NXPH1: variants seen among roughly 807,000 people sequenced by gnomAD.
The protein encoded by NXPH1 is neurexophilin 1.
Under a neutral mutation model 23.7 loss-of-function variants are expected in NXPH1, and 5 were observed. That is an observed-to-expected ratio of 0.21 (90% confidence interval 0.11 to 0.44). NXPH1 has a LOEUF of 0.44. NXPH1 is among the 20% of genes least tolerant of loss of function. The pLI, the probability that NXPH1 is intolerant of heterozygous loss-of-function variation, is 0.99. For synonymous variants in NXPH1, 144 were observed against 122.2 expected, an observed-to-expected ratio of 1.18 and a Z score of -1.18; for missense variants, 324 against 321.6, an observed-to-expected ratio of 1.01 and a Z score of -0.06.
chr7:8,714,743 C>A lies in NXPH1; in HGVS notation c.55-36265C>A, dbSNP rs146381245. Among the ~76,000 whole-genome samples, 742 of 152,204 alleles carry A rather than the reference C, an allele frequency of 4.9e-3. 5 individuals carry two copies. The highest frequency in any genetic ancestry group is 8.0e-3 in the Non-Finnish European group (543 of 68,022). On this transcript the variant is annotated intron_variant, in intron 2 of 2. Coordinates refer to ENST00000405863, the MANE Select transcript of NXPH1 (RefSeq NM_152745.3). ...TGTATCTAGAAATGTCATCGGGTAG[C>A]AAGGGCCTGGAATTGGGGCCTCACA...
intron 2 of NXPH1, among the ~76,000 whole-genome samples, chr7:8,636,062 C>T (rs1319353419): frequency 1.3e-5 from 2 of 152,284 alleles, no homozygotes; most frequent in East Asian, 3.9e-4. Flanking sequence ...TGAAGTTGGA[C>T]TGCAGCCTGC....
At chr7:8,737,752 G>A (rs1295642597) in intron 2 of NXPH1, among the ~76,000 whole-genome samples, 2 of 152,150 alleles carry the variant, frequency 1.3e-5, no homozygotes, top group East Asian at 3.8e-4. Flanking sequence ...CATTCTCTCT[G>A]TCACTTTCAG....
chr7:8,526,555 G>T (rs1429142108), intron 2 of NXPH1, among the ~76,000 whole-genome samples: 2 of 152,160 alleles, frequency 1.3e-5, no homozygotes, highest in Non-Finnish European at 2.9e-5. Context: ...AACTTGAATT[G>T]TATCTCACAT....
chr7:8,583,337 C>G (rs1818919133), intron 2 of NXPH1, among the ~76,000 whole-genome samples: 1 of 152,176 alleles, frequency 6.6e-6, no homozygotes, highest in East Asian at 1.9e-4. Context: ...CCTGGCACAG[C>G]CATTTATTAG....
intron 2 of NXPH1, among the ~76,000 whole-genome samples, chr7:8,599,805 A>AG (rs1465721928): frequency 0.015 from 1,406 of 91,378 alleles, 28 homozygotes; most frequent in African/African-American, 0.073. Flanking sequence ...TTAGATAGGA[A>AG]GATTTTTTTT....
chr7:8,620,960 CA>C lies in NXPH1; in HGVS notation c.55-130046del, dbSNP rs375158627. On this transcript the variant is annotated intron_variant, in intron 2 of 2. Coordinates refer to ENST00000405863, the MANE Select transcript of NXPH1 (RefSeq NM_152745.3). ...AACGCTCTCTCTATAAACTTTCACA[CA>C]ATCTAAAGGTGTTTTTGTCATAGTC... Among the ~76,000 whole-genome samples, 328 of 152,266 alleles carry C rather than the reference CA, an allele frequency of 2.2e-3. 2 individuals are homozygous for C. Among genetic ancestry groups the C allele is most frequent in the African/African-American group, 7.4e-3 (306 of 41,580 alleles).
chr7:8,441,731 C>G (rs1053449522), intron 2 of NXPH1, among the ~76,000 whole-genome samples: 2 of 152,210 alleles, frequency 1.3e-5, no homozygotes, highest in African/African-American at 4.8e-5. Context: ...TTGGCGGCTT[C>G]TTCAAACCCC....
intron 2 of NXPH1, among the ~76,000 whole-genome samples, chr7:8,535,104 C>T (rs1818007381): frequency 6.6e-6 from 1 of 152,012 alleles, no homozygotes; most frequent in Admixed American, 6.6e-5. Context: ...TCCTTGTATC[C>T]AGATGCTATA....
intron 2 of NXPH1, among the ~76,000 whole-genome samples, chr7:8,467,944 C>T (rs76904671): frequency 0.058 from 8,752 of 152,084 alleles, 367 homozygotes; most frequent in Non-Finnish European, 0.088. Flanking sequence ...ATTGATTGTA[C>T]TCTGTAGGAA....
chr7:8,581,851 G>A (rs1032237062), intron 2 of NXPH1, among the ~76,000 whole-genome samples: 1 of 152,172 alleles, frequency 6.6e-6, no homozygotes, highest in Admixed American at 6.5e-5. Flanking sequence ...AAGTAATAGT[G>A]TCATGGGCTC....
In NXPH1 at chr7:8,641,355, C is replaced by T. The variant is rs115897548; in HGVS notation, c.55-109653C>T. Among the ~76,000 whole-genome samples, 710 of 148,830 alleles carry T rather than the reference C, an allele frequency of 4.8e-3. 4 individuals carry two copies. The highest frequency in any genetic ancestry group is 0.017 in the African/African-American group (681 of 40,342). ...GAGCAAGCTTGTGTGGATCTCTTCC[C>T]AACTCTGTGTTCAGGGATGACAAAT... On this transcript the variant is annotated intron_variant, in intron 2 of 2. Transcript: ENST00000405863.
chr7:8,533,923 T>G (rs1817988589), intron 2 of NXPH1, among the ~76,000 whole-genome samples: 1 of 151,274 alleles, frequency 6.6e-6, no homozygotes, highest in Non-Finnish European at 1.5e-5. Flanking sequence ...CTCAGTTCAC[T>G]GACGTTGAAA....
chr7:8,727,543 G>A (rs1282284989), intron 2 of NXPH1, among the ~76,000 whole-genome samples: 1 of 151,742 alleles, frequency 6.6e-6, no homozygotes, highest in African/African-American at 2.4e-5. Context: ...TCCAGTTTCA[G>A]CTTTCTACAT....
At position 8,541,112 on chromosome 7, in the gene NXPH1, T is replaced by C. The variant is rs185966151; in HGVS notation, c.54+105345T>C. 3.5e-3 allele frequency among the ~76,000 whole-genome samples: 538 copies of C among 151,824 alleles called. 6 individuals carry two copies. The highest frequency in any genetic ancestry group is 0.012 in the African/African-American group (517 of 41,474). ...AGAAAAATCAAACAATCAAAAGTTA[T>C]CCAGAGATGACATGAATGTTAGATT... On this transcript the variant is annotated intron_variant, in intron 2 of 2. Coordinates refer to ENST00000405863, the MANE Select transcript of NXPH1 (RefSeq NM_152745.3).
At chr7:8,666,341 C>T (rs1188847540) in intron 2 of NXPH1, among the ~76,000 whole-genome samples, 1 of 152,026 alleles carries the variant, frequency 6.6e-6, no homozygotes, top group East Asian at 1.9e-4. Context: ...TGGTGTATCA[C>T]AATTATAGAC....
Position 8,576,983 on chromosome 7 carries a change from G to A in NXPH1, c.54+141216G>A, listed in dbSNP as rs141381102. On this transcript the variant is annotated intron_variant, in intron 2 of 2. Transcript: ENST00000405863. ...TACAAATATTTACTCAAGCATCTGA[G>A]TTCCTTTAGAAACAAGGCCAAAGAA... 5.5e-3 allele frequency among the ~76,000 whole-genome samples: 831 copies of A among 152,122 alleles called. 4 individuals are homozygous for A. Among genetic ancestry groups the A allele is most frequent in the Non-Finnish European group, 8.6e-3 (586 of 67,998 alleles).
intron 2 of NXPH1, among the ~76,000 whole-genome samples, chr7:8,611,937 C>A (rs184479788): frequency 6.6e-6 from 1 of 151,990 alleles, no homozygotes; most frequent in Non-Finnish European, 1.5e-5. Context: ...AAGTTCCCAG[C>A]GTGCATGTAA....
At chr7:8,743,642 T>C (rs979927213) in intron 2 of NXPH1, among the ~76,000 whole-genome samples, 1 of 152,066 alleles carries the variant, frequency 6.6e-6, no homozygotes, top group Non-Finnish European at 1.5e-5. Context: ...CTAAGACATG[T>C]ATAGGAGGAG....
At chr7:8,466,642 G>A (rs929523462) in intron 2 of NXPH1, among the ~76,000 whole-genome samples, 1 of 152,016 alleles carries the variant, frequency 6.6e-6, no homozygotes, top group African/African-American at 2.4e-5. Context: ...AAGATGGTGT[G>A]GGGAAAATCC....
Sources: allele counts gnomAD v4.1 joint callset (sites outside exome capture counted in the v4.1 genomes callset), GRCh38; gene constraint gnomAD v4.1.1; transcripts MANE v1.5; gene names NCBI Gene and HGNC (gene_info 2026-07-23, HGNC 2026-07-21).